Variants in KLRF2 observed in about 807,000 individuals in gnomAD.
The protein encoded by KLRF2 is killer cell lectin-like receptor subfamily F member 2.
A neutral mutation model predicts 25.3 loss-of-function variants in KLRF2; 28 were observed. The ratio of observed to expected loss-of-function variants is 1.11; its 90% CI spans 0.82 to 1.52. KLRF2 has a LOEUF of 1.52. Ranked by LOEUF, KLRF2 falls within the 40% of genes most tolerant of loss-of-function variation. The pLI is 0.00. For synonymous variants in KLRF2, 73 were observed against 85.0 expected (o/e 0.86, Z 0.78); for missense variants, 265 against 245.8 (o/e 1.08, Z -0.52).
At chr12:9,884,873 T>A in intron 1 of KLRF2, 61 bp from the exon 2 acceptor site, 1 of 534,944 alleles carries the variant, frequency 1.9e-6, no homozygotes, top group East Asian at 3.5e-5. Context: ...GTAATAAAAA[T>A]GAAACAGAAA....
chr12:9,890,215 C>T (rs1208684940), intron 3 of KLRF2, among the ~76,000 whole-genome samples: 1 of 152,116 alleles, frequency 6.6e-6, no homozygotes, highest in African/African-American at 2.4e-5. Context: ...CACTATAACT[C>T]CTGCATTTGT....
chr12:9,889,646 ATGTGTG>A (rs747024498), intron 3 of KLRF2, among the ~76,000 whole-genome samples: 1 of 140,610 alleles, frequency 7.1e-6, no homozygotes, highest in Non-Finnish European at 1.5e-5. Flanking sequence ...GTGTATATAT[ATGTGTG>A]TGTGTGTGTA....
intron 5 of KLRF2, among the ~76,000 whole-genome samples, chr12:9,894,171 GTTTC>G (rs200285327): frequency 2.0e-4 from 16 of 78,656 alleles, no homozygotes; most frequent in South Asian, 3.7e-4. Flanking sequence ...TTCCTTCTTT[GTTTC>G]TTTCTTTCTT....
rs1005819288 is a variant in KLRF2, at chr12:9,895,760, A to G, written c.551A>G (p.Asp184Gly). 11 of 1,535,872 alleles carry G rather than the reference A, an allele frequency of 7.2e-6. No homozygotes were observed. The East Asian group carries it at 2.4e-4, about 34-fold the overall frequency. The change falls in exon 6 of 6, where the codon GAC becomes GGC. Residue 184 changes from aspartate (D) to glycine (G), a missense_variant. Transcript: ENST00000535540. ...VITGNWVYSE[D>G]CSSTFKGICQ... Reference sequence around the variant, plus strand: ...ACAGGAAACTGGGTGTATTCTGAAGACTGTAGCTCCACATTTAAGGGCATT... The same window carrying G: ...ACAGGAAACTGGGTGTATTCTGAAGGCTGTAGCTCCACATTTAAGGGCATT...
At chr12:9,882,505 C>T (rs540014775) in intron 1 of KLRF2, among the ~76,000 whole-genome samples, 9 of 152,144 alleles carry the variant, frequency 5.9e-5, no homozygotes, top group Admixed American at 1.3e-4. Context: ...AGACCAGGCA[C>T]GGTGGCTCAT....
intron 3 of KLRF2, among the ~76,000 whole-genome samples, chr12:9,889,427 G>C (rs1862646800): frequency 6.6e-6 from 1 of 152,116 alleles, no homozygotes; most frequent in Non-Finnish European, 1.5e-5. Flanking sequence ...CCTCCATAAA[G>C]TGGGTGGATC....
chr12:9,895,325 T>C lies in KLRF2; in HGVS notation c.480-364T>C, dbSNP rs1862744694. Among the ~76,000 whole-genome samples the C allele has an allele frequency of 1.3e-5, 2 of 152,230 alleles. 1 individual carries two copies. The highest frequency in any genetic ancestry group is 4.1e-4 in the South Asian group (2 of 4,832). Reference sequence around the variant, plus strand: ...ATTATGGAGGTCAGTTCGAAGGCTATGGCTAGAGATAAGGGAGAGATAATG... The same window carrying C: ...ATTATGGAGGTCAGTTCGAAGGCTACGGCTAGAGATAAGGGAGAGATAATG... On this transcript the variant is annotated intron_variant, in intron 5 of 5. Coordinates refer to ENST00000535540, the MANE Select transcript of KLRF2 (RefSeq NM_001190765.1).
chr12:9,894,126 T>TTCTCTCTCTCTCTCTCTCTCTCTC (rs141327204), intron 5 of KLRF2, among the ~76,000 whole-genome samples: 35 of 130,286 alleles, frequency 2.7e-4, no homozygotes, highest in African/African-American at 9.2e-4. Context: ...TTTCTTTTCT[T>TTCTCTCTCTCTCTCTCTCTCTCTC]TCTCTCTCTC....
intron 2 of KLRF2, among the ~76,000 whole-genome samples, chr12:9,886,670 T>A (rs117094629): frequency 0.029 from 4,299 of 149,928 alleles, 81 homozygotes; most frequent in Middle Eastern, 0.041. Flanking sequence ...GCAAACTAAT[T>A]AAGTGAAAGA....
chr12:9,881,792 G>A lies in KLRF2; in HGVS notation c.70+127G>A, dbSNP rs1284149850. 2.2e-5 allele frequency: 16 copies of A among 725,276 alleles called. 1 individual carries two copies. In the South Asian group the frequency reaches 2.6e-4, roughly 12 times the overall value. 44.9% of individuals were successfully genotyped at this position (725,276 alleles called of 1,614,324 possible). ...AGGAATATAAAAATGGTCATAAATT[G>A]TCTGTTAGATTATTTAGATTCATGA... On this transcript the variant is annotated intron_variant, in intron 1 of 5. Transcript: ENST00000535540.
intron 1 of KLRF2, among the ~76,000 whole-genome samples, chr12:9,884,321 A>C (rs918837418): frequency 2.6e-5 from 4 of 151,990 alleles, no homozygotes; most frequent in Admixed American, 6.6e-5. Context: ...ATCTAATACT[A>C]CCTAAGCTGA....
intron 3 of KLRF2, among the ~76,000 whole-genome samples, chr12:9,890,633 T>C (rs2137001485): frequency 6.6e-6 from 1 of 152,382 alleles, no homozygotes; most frequent in Non-Finnish European, 1.5e-5. Flanking sequence ...CCCTCTTTCA[T>C]GGACTTACAT....
Position 9,893,412 on chromosome 12 carries a change from C to T in KLRF2, c.367-17C>T, listed in dbSNP as rs1455776721. 5 of 1,138,546 alleles carry T rather than the reference C, an allele frequency of 4.4e-6. No individual in the cohort carries two copies. Among genetic ancestry groups the T allele is most frequent in the Admixed American group, 2.2e-5 (1 of 45,396 alleles). The allele number at this position is 1,138,546 out of a possible 1,614,324, so 70.5% of individuals were successfully genotyped here. A position where few individuals can be genotyped will look rare whatever the true frequency, so the allele number is the denominator to read the frequency against. On this transcript the variant is annotated splice_polypyrimidine_tract_variant and intron_variant, in intron 4 of 5. Transcript: ENST00000535540. ...TTTTAAACAAATGAATGAATAAATGCACTATTTCTTCTGCAGGAGTTCATA... is the reference window on the plus strand; with the variant it reads ...TTTTAAACAAATGAATGAATAAATGTACTATTTCTTCTGCAGGAGTTCATA...
At chr12:9,883,670 T>C (rs1346687826) in intron 1 of KLRF2, among the ~76,000 whole-genome samples, 1 of 152,208 alleles carries the variant, frequency 6.6e-6, no homozygotes, top group African/African-American at 2.4e-5. Context: ...CATATTTGCT[T>C]GAACAGCAGA....
rs201843617 is a variant in KLRF2 at position 9,892,513 on chromosome 12, C to T, written c.218-507C>T. On this transcript the variant is annotated intron_variant, in intron 3 of 5. Coordinates refer to ENST00000535540, the MANE Select transcript of KLRF2 (RefSeq NM_001190765.1). ...CAGGCTTTGTTCTCCCCTAATCCATCATCCAAAACCCTGCCCGACTCCTGG... is the reference window on the plus strand; with the variant it reads ...CAGGCTTTGTTCTCCCCTAATCCATTATCCAAAACCCTGCCCGACTCCTGG... 2.7e-5 allele frequency among the ~76,000 whole-genome samples: 4 copies of T among 150,702 alleles called. No homozygotes were observed. In the East Asian group the frequency reaches 7.8e-4, roughly 29 times the overall value.
In KLRF2 at chr12:9,884,957, T is replaced by C; in HGVS notation, c.94T>C (p.Tyr32His). Residue 32 changes from tyrosine (Y) to histidine (H), a missense_variant, in exon 2 of 6, where the codon TAT becomes CAT. By Grantham distance (83) the Tyr-to-His change is moderately conservative (BLOSUM62 2). Coordinates refer to ENST00000535540, the MANE Select transcript of KLRF2 (RefSeq NM_001190765.1). ...AGATTTCTCCCTATATCCACAATAT[T>C]ATTGTCTTCTGCTCATATTTGGATG... is the stretch of plus-strand genomic sequence containing the variant. ...SKDFSLYPQY[Y>H]CLLLIFGCIV... 7.7e-7 allele frequency: 1 copy of C among 1,298,590 alleles called. No individual in the cohort carries two copies. Among genetic ancestry groups the C allele is most frequent in the South Asian group, 2.0e-5 (1 of 49,690 alleles). The allele number at this position is 1,298,590 out of a possible 1,614,324, so 80.4% of individuals were successfully genotyped here. A position where few individuals can be genotyped will look rare whatever the true frequency, so the allele number is the denominator to read the frequency against.
At chr12:9,891,061 T>G (rs1345044670) in intron 3 of KLRF2, among the ~76,000 whole-genome samples, 1 of 151,510 alleles carries the variant, frequency 6.6e-6, no homozygotes, top group Non-Finnish European at 1.5e-5. Flanking sequence ...TTTTTTTTTT[T>G]GCCCTTTATT....
rs1286925727 is a variant in KLRF2 at position 9,888,707 on chromosome 12, ATATCT to A, written c.170-24_170-20del. The stretch of plus-strand genomic sequence containing the variant: ...TGCTATTGATTTTTAAATGTTTCTC[ATATCT>A]TTTCTTTGCACTGAGTACAGATAAA... On this transcript the variant is annotated intron_variant, in intron 2 of 5. Coordinates refer to ENST00000535540, the MANE Select transcript of KLRF2 (RefSeq NM_001190765.1). The A allele has an allele frequency of 2.2e-6, 3 of 1,351,388 alleles. No individual in the cohort carries two copies. The African/African-American group carries it at 4.3e-5, about 19-fold the overall frequency. 83.7% of individuals were successfully genotyped at this position (1,351,388 alleles called of 1,614,324 possible). A position where few individuals can be genotyped will look rare whatever the true frequency, so the allele number is the denominator to read the frequency against.
intron 5 of KLRF2, among the ~76,000 whole-genome samples, chr12:9,894,237 A>G (rs1021207624): frequency 6.9e-6 from 1 of 144,058 alleles, no homozygotes; most frequent in Admixed American, 7.3e-5. Context: ...GCTGGAGTGC[A>G]GTGGCATGAT....
Sources: allele counts gnomAD v4.1 joint callset (sites outside exome capture counted in the v4.1 genomes callset), GRCh38; gene constraint gnomAD v4.1.1; transcripts MANE v1.5; gene names NCBI Gene and HGNC (gene_info 2026-07-23, HGNC 2026-07-21).